Variants in MRS2 observed in about 807,000 individuals in gnomAD.
MRS2 encodes magnesium transporter MRS2 homolog, mitochondrial.
Under a neutral mutation model 52.6 loss-of-function variants are expected in MRS2, and 40 were observed. That is an observed-to-expected ratio of 0.76 (90% CI 0.59 to 0.99). MRS2 has a LOEUF of 0.99. Ranked by LOEUF, MRS2 falls within the 50% of genes least tolerant of loss-of-function variation. MRS2 has a pLI of 0.00. For synonymous variants in MRS2, 193 were observed against 195.9 expected, an observed-to-expected ratio of 0.98 and a Z score of 0.13; for missense variants, 472 against 532.7, an observed-to-expected ratio of 0.89 and a Z score of 1.12.
chr6:24,416,219 C>T (rs1026716800), intron 6 of MRS2, among the ~76,000 whole-genome samples, 178 bp from the exon 7 acceptor site: 2 of 151,790 alleles, frequency 1.3e-5, no homozygotes, highest in African/African-American at 4.8e-5. Context: ...CCATGCCTGG[C>T]CAAATTGATT....
chr6:24,416,270 T>A lies in MRS2; in HGVS notation c.720-127T>A, dbSNP rs546032492. 1.2e-3 allele frequency: 552 copies of A among 476,310 alleles called. 2 individuals carry two copies. Among genetic ancestry groups the A allele is most frequent in the African/African-American group, 8.9e-3 (432 of 48,810 alleles). The allele number at this position is 476,310 out of a possible 1,614,324, so 29.5% of individuals were successfully genotyped here. A position where few individuals can be genotyped will look rare whatever the true frequency, so the allele number is the denominator to read the frequency against. ...AAATACTCAACTTTTTTTTTTTTTTTAAATAAGTCATTGTTTAGCATGAAT... is the reference window on the plus strand; with the variant it reads ...AAATACTCAACTTTTTTTTTTTTTTAAAATAAGTCATTGTTTAGCATGAAT... On this transcript the variant is annotated intron_variant, in intron 6 of 10. Coordinates refer to ENST00000378386, the MANE Select transcript of MRS2 (RefSeq NM_020662.4).
intron 6 of MRS2, 124 bp from the exon 7 acceptor site, chr6:24,416,270 TAAA>T: frequency 2.1e-6 from 1 of 476,318 alleles, no homozygotes; most frequent in Non-Finnish European, 3.7e-6. Flanking sequence ...TTTTTTTTTT[TAAA>T]TAAGTCATTG....
intron 5 of MRS2, among the ~76,000 whole-genome samples, chr6:24,414,576 ATC>A (rs779382416): frequency 2.0e-5 from 3 of 152,108 alleles, no homozygotes; most frequent in Non-Finnish European, 4.4e-5. Flanking sequence ...TAACAATCTG[ATC>A]TCTCTTTCTT....
chr6:24,410,202 C>T (rs1761605807), intron 4 of MRS2, among the ~76,000 whole-genome samples: 1 of 152,172 alleles, frequency 6.6e-6, no homozygotes, highest in African/African-American at 2.4e-5. Flanking sequence ...TGCTCTGAAA[C>T]TCCCGACCTC....
chr6:24,423,173 TC>T, intron 10 of MRS2, 123 bp downstream of exon 10: 1 of 688,460 alleles, frequency 1.5e-6, no homozygotes, highest in East Asian at 2.6e-5. Context: ...TTCTCAAACT[TC>T]CTTCAGTTTC....
In MRS2 at chr6:24,418,551, A is replaced by C. The variant is rs1188872880; in HGVS notation, c.1080A>C (p.Gly360=). 6.2e-7 allele frequency: 1 copy of C among 1,613,544 alleles called. No individual in the cohort carries two copies. The highest frequency in any genetic ancestry group is 8.5e-7 in the Non-Finnish European group (1 of 1,179,690). The change falls in exon 9 of 11, where the codon GGA becomes GGC. Residue 360 remains glycine, a synonymous_variant. Transcript: ENST00000378386. ...SLFGLMGVAF[G]MNLESSLEED... is the part of the protein sequence containing the mutation. ...TTGGACTAATGGGAGTTGCTTTTGG[A>C]ATGAATTTGGAATCTTCCCTTGAAG...
chr6:24,417,264 G>A (rs1054283671), intron 7 of MRS2, among the ~76,000 whole-genome samples: 5 of 152,280 alleles, frequency 3.3e-5, no homozygotes, highest in African/African-American at 1.2e-4. Flanking sequence ...TATGATACAG[G>A]TACCTCTTCA....
At chr6:24,415,768 TGA>T (rs909295011) in intron 6 of MRS2, among the ~76,000 whole-genome samples, 95 of 152,332 alleles carry the variant, frequency 6.2e-4, no homozygotes, top group African/African-American at 2.1e-3. Flanking sequence ...TTTATGTTTC[TGA>T]GATAAGTAAT....
In MRS2 at chr6:24,402,945, G is replaced by C. The variant is rs1037588077; in HGVS notation, c.-102G>C. On this transcript the variant is annotated 5_prime_UTR_variant, in exon 1 of 11. Transcript: ENST00000378386. ...CGCGCATGCCTGGTGCACAGAGTCTGCAGGTCGGGCGGTAGCGACAGGTCA... is the reference window on the plus strand; with the variant it reads ...CGCGCATGCCTGGTGCACAGAGTCTCCAGGTCGGGCGGTAGCGACAGGTCA... 5.4e-5 allele frequency: 60 copies of C among 1,120,846 alleles called. No homozygotes were observed. In the African/African-American group the frequency reaches 9.1e-4, roughly 17 times the overall value. 69.4% of individuals were successfully genotyped at this position (1,120,846 alleles called of 1,614,324 possible). A position where few individuals can be genotyped will look rare whatever the true frequency, so the allele number is the denominator to read the frequency against.
chr6:24,414,630 C>T (rs1266535517), intron 5 of MRS2, among the ~76,000 whole-genome samples: 1 of 152,198 alleles, frequency 6.6e-6, no homozygotes, highest in African/African-American at 2.4e-5. Flanking sequence ...AAACCGCCAT[C>T]ATCATCGTGG....
intron 1 of MRS2, among the ~76,000 whole-genome samples, chr6:24,404,378 T>A (rs1761391270): frequency 6.6e-6 from 1 of 152,232 alleles, no homozygotes; most frequent in South Asian, 2.1e-4. Context: ...ATAGTGATAA[T>A]TTGTATTTTG....
Position 24,412,260 on chromosome 6 carries a change from A to G in MRS2, c.453A>G (p.Ile151Met). The G allele has an allele frequency of 6.3e-7, 1 of 1,593,576 alleles. No homozygotes were observed. The highest frequency in any genetic ancestry group is 8.5e-7 in the Non-Finnish European group (1 of 1,172,960). ...KAVITPECLL[I>M]LDYRNLNLEQ... ...TGATAACTCCAGAGTGTCTTCTGAT[A>G]TTAGATTATCGTAATTTAAACTTAG... Residue 151 changes from isoleucine to methionine, a missense_variant, in exon 5 of 11, where the codon ATA (isoleucine) becomes ATG (methionine). Transcript: ENST00000378386.
intron 5 of MRS2, 71 bp from the exon 6 acceptor site, chr6:24,414,960 CAG>C: frequency 7.6e-7 from 1 of 1,323,120 alleles, no homozygotes. Context: ...TGTATTTAAT[CAG>C]AGGATTCACT....
intron 1 of MRS2, among the ~76,000 whole-genome samples, chr6:24,404,715 A>G (rs911419371): frequency 6.6e-6 from 1 of 152,258 alleles, no homozygotes; most frequent in Non-Finnish European, 1.5e-5. Flanking sequence ...ATAATTTATG[A>G]GCCAGTCAAC....
In MRS2 at chr6:24,408,475, A is replaced by G. The variant is rs763997515; in HGVS notation, c.301+31A>G. 6.1e-6 allele frequency: 9 copies of G among 1,471,796 alleles called. 1 individual carries two copies. The South Asian group carries it at 1.0e-4, about 17-fold the overall frequency. The allele number at this position is 1,471,796 out of a possible 1,614,324, so 91.2% of individuals were successfully genotyped here. ...TGATTAGCATTCTAAATCATTTTTT[A>G]AACATTTAATGAGTGAATCTGATAG... On this transcript the variant is annotated intron_variant, in intron 3 of 10. Transcript: ENST00000378386.
intron 4 of MRS2, chr6:24,410,700 A>G (rs989391597): frequency 5.0e-5 from 73 of 1,471,522 alleles, no homozygotes; most frequent in Middle Eastern, 1.8e-4. Flanking sequence ...AAAATGAAGC[A>G]GTCTTCTCCC....
chr6:24,421,491 G>T (rs1463038121), intron 9 of MRS2, among the ~76,000 whole-genome samples: 1 of 152,208 alleles, frequency 6.6e-6, no homozygotes, highest in African/African-American at 2.4e-5. Flanking sequence ...GTGAATCTGA[G>T]ATAGGAAAAA....
At chr6:24,415,690 G>A (rs1278439308) in intron 6 of MRS2, among the ~76,000 whole-genome samples, 14 of 152,142 alleles carry the variant, frequency 9.2e-5, no homozygotes, top group Non-Finnish European at 4.4e-5. Flanking sequence ...TAACTAGTCT[G>A]TTCTATATTA....
At chr6:24,407,357 G>A (rs370173499) in intron 2 of MRS2, among the ~76,000 whole-genome samples, 23 of 152,126 alleles carry the variant, frequency 1.5e-4, no homozygotes, top group African/African-American at 5.1e-4. Flanking sequence ...CTGATGAGAA[G>A]CAAGATAAAA....
Sources: allele counts gnomAD v4.1 joint callset (sites outside exome capture counted in the v4.1 genomes callset), GRCh38; gene constraint gnomAD v4.1.1; transcripts MANE v1.5; gene names NCBI Gene and HGNC (gene_info 2026-07-23, HGNC 2026-07-21).